Variants in JPH3 observed in about 807,000 individuals in gnomAD.
JPH3 encodes the protein junctophilin 3.
Under a neutral mutation model 59.6 loss-of-function variants are expected in JPH3, and 11 were observed. That is an observed-to-expected ratio of 0.18 (90% CI 0.12 to 0.31). The LOEUF (loss-of-function observed/expected upper bound fraction) is 0.31. Among genes scored for constraint, JPH3 ranks in the 10% least tolerant of loss-of-function variants. JPH3 has a pLI of 1.00. For synonymous variants in JPH3, 673 were observed against 483.6 expected (o/e 1.39, Z -5.14); for missense variants, 1,202 against 1,105.7 (o/e 1.09, Z -1.24).
At chr16:87,617,567 ATGCCACCTCTAGGGAGGGG>A (rs2031017704) in intron 1 of JPH3, among the ~76,000 whole-genome samples, 1 of 136,784 alleles carries the variant, frequency 7.3e-6, no homozygotes, top group African/African-American at 2.7e-5. Context: ...CATGGGAGGG[ATGCCACCTCTAGGGAGGGG>A]TGCCTGTGTC....
intron 2 of JPH3, among the ~76,000 whole-genome samples, chr16:87,662,780 G>A (rs944673000): frequency 2.0e-5 from 3 of 152,252 alleles, no homozygotes; most frequent in Non-Finnish European, 2.9e-5. Flanking sequence ...CCCACGCAGG[G>A]TTGCAACCTC....
intron 2 of JPH3, among the ~76,000 whole-genome samples, chr16:87,666,789 C>A (rs2032877766): frequency 6.6e-6 from 1 of 152,190 alleles, no homozygotes; most frequent in South Asian, 2.1e-4. Context: ...TCCCTGTACC[C>A]TTGTGAGGTG....
intron 2 of JPH3, among the ~76,000 whole-genome samples, chr16:87,662,062 C>G (rs1177139216): frequency 6.6e-6 from 1 of 152,238 alleles, no homozygotes; most frequent in East Asian, 1.9e-4. Flanking sequence ...TTTCAAAATA[C>G]TTGGTTTCCC....
chr16:87,695,477 T>G (rs553769405), intron 4 of JPH3: 1 of 456,000 alleles, frequency 2.2e-6, no homozygotes, highest in East Asian at 7.0e-5. Context: ...GAACAGCTCC[T>G]TACCACAGTG....
At chr16:87,662,112 T>C (rs1024903762) in intron 2 of JPH3, among the ~76,000 whole-genome samples, 3 of 152,238 alleles carry the variant, frequency 2.0e-5, no homozygotes, top group African/African-American at 4.8e-5. Context: ...CCTACGGTCA[T>C]CCCTCAAGAG....
At position 87,644,911 on chromosome 16, in the gene JPH3, G is replaced by A. The variant is rs757427388; in HGVS notation, c.1036G>A (p.Gly346Ser). 5.9e-5 allele frequency: 95 copies of A among 1,612,838 alleles called. No homozygotes were observed. Among genetic ancestry groups the A allele is most frequent in the Middle Eastern group, 1.6e-4 (1 of 6,084 alleles). The change falls in exon 2 of 5, where the codon GGC becomes AGC. Residue 346 changes from glycine (G) to serine (S), a missense_variant. Transcript: ENST00000284262. ...GTACAAGCAGAACATCCTCGTCGGCGGCAAGCGCAAGAACCTCATCCCCCT... is the reference window on the plus strand; with the variant it reads ...GTACAAGCAGAACATCCTCGTCGGCAGCAAGCGCAAGAACCTCATCCCCCT... ...GKYKQNILVG[G>S]KRKNLIPLRA... is the part of the protein sequence containing the mutation.
chr16:87,614,933 G>A (rs2030896758), intron 1 of JPH3, among the ~76,000 whole-genome samples: 1 of 62,934 alleles, frequency 1.6e-5, no homozygotes, highest in African/African-American at 7.7e-5. Context: ...GAGGAGCCGC[G>A]CGTCCCCTCC....
At chr16:87,688,408 G>A (rs538941581) in intron 3 of JPH3, among the ~76,000 whole-genome samples, 2 of 152,098 alleles carry the variant, frequency 1.3e-5, no homozygotes, top group Non-Finnish European at 2.9e-5. Flanking sequence ...ACAAACGGAG[G>A]GACTATCTGG....
At chr16:87,663,971 TTC>T (rs2032782216) in intron 2 of JPH3, among the ~76,000 whole-genome samples, 1 of 152,200 alleles carries the variant, frequency 6.6e-6, no homozygotes, top group Admixed American at 6.5e-5. Flanking sequence ...GAATCGACTC[TTC>T]TGTGCTCATG....
chr16:87,628,688 G>T (rs1394559714), intron 1 of JPH3, among the ~76,000 whole-genome samples: 1 of 152,160 alleles, frequency 6.6e-6, no homozygotes, highest in Non-Finnish European at 1.5e-5. Flanking sequence ...TGCGAGAATC[G>T]ATTCAGTGGC....
At chr16:87,636,619 G>T (rs79663808) in intron 1 of JPH3, among the ~76,000 whole-genome samples, 1 of 152,192 alleles carries the variant, frequency 6.6e-6, no homozygotes, top group Admixed American at 6.5e-5. Context: ...AGGCAGTCAC[G>T]GCAGAACTGA....
chr16:87,602,638 C>A lies in JPH3; in HGVS notation c.-509C>A, dbSNP rs1264221802. Reference sequence around the variant, plus strand: ...GCCCGCGGCCCCCAATATGGTGCAGCCGCCAGCGCCGCCGCCCGTGCCGCC... The same window carrying A: ...GCCCGCGGCCCCCAATATGGTGCAGACGCCAGCGCCGCCGCCCGTGCCGCC... On this transcript the variant is annotated 5_prime_UTR_variant, in exon 1 of 5. Coordinates refer to ENST00000284262, the MANE Select transcript of JPH3 (RefSeq NM_020655.4). 1.4e-5 allele frequency among the ~76,000 whole-genome samples: 2 copies of A among 140,500 alleles called. No individual in the cohort carries two copies. The highest frequency in any genetic ancestry group is 3.2e-5 in the Non-Finnish European group (2 of 63,396). 92.2% of individuals were successfully genotyped at this position (140,500 alleles called of 152,430 possible).
chr16:87,607,297 A>G (rs545087485), intron 1 of JPH3, among the ~76,000 whole-genome samples: 27 of 152,142 alleles, frequency 1.8e-4, no homozygotes, highest in Admixed American at 5.2e-4. Context: ...ACCCCCTCCA[A>G]TAAGCCCTCC....
At chr16:87,668,755 C>T (rs1179459188) in intron 2 of JPH3, among the ~76,000 whole-genome samples, 1 of 152,150 alleles carries the variant, frequency 6.6e-6, no homozygotes, top group African/African-American at 2.4e-5. Context: ...CTGGTGCTCA[C>T]ACCATCACAG....
intron 4 of JPH3, chr16:87,695,645 C>G (rs971567839): frequency 2.2e-6 from 1 of 456,076 alleles, no homozygotes; most frequent in Non-Finnish European, 4.4e-6. Flanking sequence ...GGCGTCCATT[C>G]CCTGTGCAGC....
chr16:87,672,541 C>T (rs1045911941), intron 2 of JPH3, among the ~76,000 whole-genome samples: 1 of 152,248 alleles, frequency 6.6e-6, no homozygotes, highest in Non-Finnish European at 1.5e-5. Context: ...CCGTCCATCA[C>T]TTTCATCCTG....
chr16:87,655,444 C>G (rs2032467445), intron 2 of JPH3, among the ~76,000 whole-genome samples: 1 of 152,194 alleles, frequency 6.6e-6, no homozygotes, highest in Non-Finnish European at 1.5e-5. Context: ...GCCTCGATCT[C>G]CTGAGCTCAA....
At chr16:87,619,738 A>G (rs905097580) in intron 1 of JPH3, among the ~76,000 whole-genome samples, 18 of 152,218 alleles carry the variant, frequency 1.2e-4, no homozygotes, top group African/African-American at 4.3e-4. Context: ...GTGCTAGGCA[A>G]CAAGCTGGCC....
intron 1 of JPH3, among the ~76,000 whole-genome samples, chr16:87,642,549 C>T (rs1052172280): frequency 3.3e-5 from 5 of 152,250 alleles, no homozygotes; most frequent in African/African-American, 1.2e-4. Context: ...GTCTCGGCCT[C>T]CAGGCCTCTG....
Sources: gnomAD v4.1 joint callset for allele counts (sites outside exome capture counted in the v4.1 genomes callset) on GRCh38, gnomAD v4.1.1 for gene constraint, MANE v1.5 for transcripts, NCBI Gene and HGNC (gene_info 2026-07-23, HGNC 2026-07-21) for gene names.